CAMK2D: variants seen among roughly 807,000 people sequenced by gnomAD.
CAMK2D encodes calcium/calmodulin-dependent protein kinase type II subunit delta.
Under a neutral mutation model 84.0 loss-of-function variants are expected in CAMK2D, and 37 were observed. The ratio of observed to expected loss-of-function variants is 0.44; its 90% CI spans 0.34 to 0.58. The LOEUF (loss-of-function observed/expected upper bound fraction) is 0.58. CAMK2D is among the 20% of genes least tolerant of loss of function. CAMK2D has a pLI of 0.02. For synonymous variants in CAMK2D, 202 were observed against 212.5 expected, an observed-to-expected ratio of 0.95 and a Z score of 0.43; for missense variants, 448 against 652.5, an observed-to-expected ratio of 0.69 and a Z score of 3.41.
chr4:113,596,107 G>C (rs1161261691), intron 4 of CAMK2D, among the ~76,000 whole-genome samples: 1 of 152,184 alleles, frequency 6.6e-6, no homozygotes, highest in African/African-American at 2.4e-5. Context: ...AATGTTCACA[G>C]TATTTTCACT....
chr4:113,460,291 G>C, intron 17 of CAMK2D, 50 bp from the exon 18 acceptor site: 1 of 985,158 alleles, frequency 1.0e-6, no homozygotes, highest in Non-Finnish European at 1.6e-6. Flanking sequence ...GCTTTAATGT[G>C]TTTTGTTGTT....
chr4:113,759,227 G>T, intron 2 of CAMK2D, 93 bp downstream of exon 2: 1 of 717,438 alleles, frequency 1.4e-6, no homozygotes, highest in Non-Finnish European at 2.3e-6. Flanking sequence ...CTAAAGTTCA[G>T]TTATAACTAC....
intron 3 of CAMK2D, among the ~76,000 whole-genome samples, chr4:113,651,839 T>C (rs577990532): frequency 1.4e-4 from 22 of 152,238 alleles, no homozygotes; most frequent in African/African-American, 4.8e-4. Flanking sequence ...TGTGACCACC[T>C]AAAAGATGTA....
At position 113,502,459 on chromosome 4, in the gene CAMK2D, C is replaced by CAAA. The variant is rs201097741; in HGVS notation, c.1086+474_1086+476dup. On this transcript the variant is annotated intron_variant, in intron 15 of 20. Transcript: ENST00000511664. ...AACAAGGAATTAAGAAACCAAAAAC[C>CAAA]AAAAAAAAAAAAAACACCACTCTGA... Among the ~76,000 whole-genome samples, 437 of 73,710 alleles carry CAAA rather than the reference C, an allele frequency of 5.9e-3. 4 individuals carry two copies. Among genetic ancestry groups the CAAA allele is most frequent in the African/African-American group, 0.019 (404 of 20,750 alleles). 48.4% of individuals were successfully genotyped at this position (73,710 alleles called of 152,430 possible).
chr4:113,760,991 C>T lies in CAMK2D; in HGVS notation c.65+13G>A, dbSNP rs1182559326. The stretch of plus-strand genomic sequence containing the variant: ...GGAAAGGGGATATGCGGATGCCGGG[C>T]AAAGGTGCTTACTTTCCAAGCTCCT... On this transcript the variant is annotated intron_variant, in intron 1 of 20. Transcript: ENST00000511664. 6.2e-7 allele frequency: 1 copy of T among 1,614,130 alleles called. No homozygotes were observed. The highest frequency in any genetic ancestry group is 8.5e-7 in the Non-Finnish European group (1 of 1,180,012).
chr4:113,493,706 G>A (rs1349283457), intron 16 of CAMK2D, among the ~76,000 whole-genome samples: 4 of 152,000 alleles, frequency 2.6e-5, no homozygotes, highest in Non-Finnish European at 5.9e-5. Flanking sequence ...CCAGATTGGG[G>A]AAGTTCTCCT....
At chr4:113,691,134 AC>A (rs2099385858) in intron 2 of CAMK2D, among the ~76,000 whole-genome samples, 1 of 152,228 alleles carries the variant, frequency 6.6e-6, no homozygotes, top group Non-Finnish European at 1.5e-5. Context: ...CATCACTGTC[AC>A]AAAAAAGATA....
chr4:113,576,797 C>T (rs1394954986), intron 4 of CAMK2D, among the ~76,000 whole-genome samples: 1 of 151,844 alleles, frequency 6.6e-6, no homozygotes, highest in African/African-American at 2.4e-5. Flanking sequence ...TAGACGGTAC[C>T]AACTGACATC....
intron 3 of CAMK2D, among the ~76,000 whole-genome samples, chr4:113,623,016 C>G (rs1213261366): frequency 1.3e-5 from 2 of 152,224 alleles, no homozygotes; most frequent in East Asian, 3.9e-4. Context: ...GGATACGTAA[C>G]AGAGAACTTA....
At chr4:113,625,189 T>C (rs991654113) in intron 3 of CAMK2D, among the ~76,000 whole-genome samples, 2 of 152,198 alleles carry the variant, frequency 1.3e-5, no homozygotes, top group African/African-American at 2.4e-5. Flanking sequence ...TAAATAGTCA[T>C]TGGTGATAAA....
Position 113,562,469 on chromosome 4 carries a change from T to C in CAMK2D, c.276-10373A>G, listed in dbSNP as rs186667425. On this transcript the variant is annotated intron_variant, in intron 4 of 20. Transcript: ENST00000511664. ...TCATGTATTTGTGTGTTACTTATAC[T>C]ACACTATCTTCTTAAAGGGATTTGA... Among the ~76,000 whole-genome samples, 231 of 152,324 alleles carry C rather than the reference T, an allele frequency of 1.5e-3. 1 individual carries two copies. The highest frequency in any genetic ancestry group is 5.3e-3 in the African/African-American group (220 of 41,580).
chr4:113,733,188 G>C (rs1242012825), intron 2 of CAMK2D, among the ~76,000 whole-genome samples: 1 of 152,150 alleles, frequency 6.6e-6, no homozygotes, highest in East Asian at 1.9e-4. Flanking sequence ...CGGCAAACCA[G>C]AATCAGGAAT....
At chr4:113,479,821 T>C (rs17046099) in intron 16 of CAMK2D, among the ~76,000 whole-genome samples, 4,246 of 152,300 alleles carry the variant, frequency 0.028, 167 homozygotes, top group African/African-American at 0.096. Context: ...TTTTAAATCA[T>C]GGGCCAGGAA....
intron 2 of CAMK2D, among the ~76,000 whole-genome samples, chr4:113,744,643 C>A (rs1200916425): frequency 6.6e-6 from 1 of 152,132 alleles, no homozygotes; most frequent in Admixed American, 6.6e-5. Context: ...CTATCTTCTC[C>A]GTGCAAATGA....
chr4:113,590,349 G>T (rs1399329334), intron 4 of CAMK2D, among the ~76,000 whole-genome samples: 1 of 152,108 alleles, frequency 6.6e-6, no homozygotes, highest in African/African-American at 2.4e-5. Context: ...CAATTAAATG[G>T]AAATATATCA....
intron 4 of CAMK2D, among the ~76,000 whole-genome samples, chr4:113,574,514 C>T (rs2098770891): frequency 6.6e-6 from 1 of 152,164 alleles, no homozygotes; most frequent in African/African-American, 2.4e-5. Flanking sequence ...TATTAGAACC[C>T]AAAAGCCTGA....
chr4:113,541,961 T>A (rs1202476232), intron 6 of CAMK2D, among the ~76,000 whole-genome samples: 1 of 152,252 alleles, frequency 6.6e-6, no homozygotes, highest in Admixed American at 6.5e-5. Flanking sequence ...CCTGAATTCA[T>A]GTACTTAGCA....
chr4:113,523,691 C>G (rs6533695), intron 8 of CAMK2D, among the ~76,000 whole-genome samples: 86,397 of 151,678 alleles, frequency 0.57, 26,893 homozygotes, highest in African/African-American at 0.83. Context: ...AGGATAACTT[C>G]TGCCTGGGAG....
At chr4:113,726,374 CTTTTTTT>C (rs34696947) in intron 2 of CAMK2D, among the ~76,000 whole-genome samples, 1 of 69,544 alleles carries the variant, frequency 1.4e-5, no homozygotes, top group African/African-American at 5.6e-5. Context: ...TTTGCTTGGG[CTTTTTTT>C]TTTTTTTTTT....
Sources: allele counts gnomAD v4.1 joint callset (sites outside exome capture counted in the v4.1 genomes callset), GRCh38; gene constraint gnomAD v4.1.1; transcripts MANE v1.5; gene names NCBI Gene and HGNC (gene_info 2026-07-23, HGNC 2026-07-21).